Variants in ABCC12 observed in about 807,000 individuals in gnomAD.
ABCC12 encodes the protein ATP binding cassette subfamily C member 12, also known as ATP-binding cassette sub-family C member 12.
A neutral mutation model predicts 151.1 loss-of-function variants in ABCC12; 142 were observed. The ratio of observed to expected loss-of-function variants is 0.94; its 90% CI spans 0.82 to 1.08. ABCC12 has a LOEUF of 1.08. Ranked by LOEUF, ABCC12 falls within the 50% of genes least tolerant of loss-of-function variation. The pLI, the probability that ABCC12 is intolerant of heterozygous loss-of-function variation, is 0.00. For synonymous variants in ABCC12, 645 were observed against 646.4 expected, an observed-to-expected ratio of 1.00 and a Z score of 0.03; for missense variants, 1,638 against 1,691.1, an observed-to-expected ratio of 0.97 and a Z score of 0.55.
intron 20 of ABCC12, among the ~76,000 whole-genome samples, chr16:48,106,112 A>T (rs1963483969): frequency 1.3e-5 from 2 of 152,236 alleles, no homozygotes; most frequent in Non-Finnish European, 2.9e-5. Flanking sequence ...GCAAACAAGC[A>T]TCTTTCTTCT....
In ABCC12 at chr16:48,146,654, C is replaced by T. The variant is rs148505549; in HGVS notation, c.-50-180G>A. ...AGACCTGCTACGTCCCTTAATGCTA[C>T]GCTGAGGCTTTCTTATTAGTAGGAC... On this transcript the variant is annotated intron_variant, in intron 2 of 30. Coordinates refer to ENST00000311303, the MANE Select transcript of ABCC12 (RefSeq NM_001393797.1). The T allele has an allele frequency of 6.0e-4, 293 of 488,444 alleles. 1 individual carries two copies. In the East Asian group the frequency reaches 8.1e-3, roughly 13 times the overall value. 30.3% of individuals were successfully genotyped at this position (488,444 alleles called of 1,614,324 possible).
intron 4 of ABCC12, among the ~76,000 whole-genome samples, chr16:48,143,179 C>T (rs770115506): frequency 1.4e-4 from 21 of 152,184 alleles, no homozygotes; most frequent in Non-Finnish European, 2.9e-4. Flanking sequence ...CCTGATGCTG[C>T]ATGCTGGTCA....
chr16:48,112,083 C>T (rs774966721), intron 15 of ABCC12, among the ~76,000 whole-genome samples, 173 bp from the exon 16 acceptor site: 1 of 152,132 alleles, frequency 6.6e-6, no homozygotes, highest in Non-Finnish European at 1.5e-5. Context: ...CTCTACCCCA[C>T]TAGATGTCGG....
At chr16:48,132,936 G>T (rs1249472316) in intron 9 of ABCC12, among the ~76,000 whole-genome samples, 1 of 152,138 alleles carries the variant, frequency 6.6e-6, no homozygotes, top group Non-Finnish European at 1.5e-5. Context: ...CTACTAAGTA[G>T]CAGAGTCTGG....
intron 14 of ABCC12, among the ~76,000 whole-genome samples, chr16:48,116,433 G>C (rs561979591): frequency 6.6e-6 from 1 of 152,184 alleles, no homozygotes; most frequent in Non-Finnish European, 1.5e-5. Flanking sequence ...TTCAGGTGGT[G>C]GGACTTGGGA....
rs371843339 is a variant in ABCC12 at position 48,139,207 on chromosome 16, C to A, written c.787G>T (p.Ala263Ser). ...AYAFFILGPT[A>S]LIGISVYVIF... ...ACATACACTGATATCCCGATGAGAG[C>A]TGTGGGCCCCAGAATGAAAAAGGCG... The change falls in exon 7 of 31, where the codon GCT becomes TCT. Residue 263 changes from alanine to serine, a missense_variant. Transcript: ENST00000311303. The A allele has an allele frequency of 1.9e-6, 3 of 1,613,714 alleles. No individual in the cohort carries two copies. In the African/African-American group the frequency reaches 4.0e-5, roughly 22 times the overall value.
At chr16:48,120,952 G>C (rs975752970) in intron 13 of ABCC12, among the ~76,000 whole-genome samples, 1 of 152,072 alleles carries the variant, frequency 6.6e-6, no homozygotes, top group Non-Finnish European at 1.5e-5. Context: ...CGCAATTTTC[G>C]TGTTGAAAAC....
intron 11 of ABCC12, among the ~76,000 whole-genome samples, chr16:48,126,012 T>TC (rs34200649): frequency 6.6e-6 from 1 of 152,032 alleles, no homozygotes; most frequent in Non-Finnish European, 1.5e-5. Flanking sequence ...GCACCTGACT[T>TC]CCCCCATGCT....
At chr16:48,151,056 C>A (rs1965109810) in intron 2 of ABCC12, among the ~76,000 whole-genome samples, 1 of 152,092 alleles carries the variant, frequency 6.6e-6, no homozygotes, top group Non-Finnish European at 1.5e-5. Context: ...GAATCCAATG[C>A]TTCCAAGAGT....
In ABCC12 at chr16:48,144,162, T is replaced by C. The variant is rs968073825; in HGVS notation, c.120-97A>G. 333 of 1,416,960 alleles carry C rather than the reference T, an allele frequency of 2.4e-4. 2 individuals are homozygous for C. Among genetic ancestry groups the C allele is most frequent in the Non-Finnish European group, 2.9e-4 (308 of 1,049,274 alleles). 87.8% of individuals were successfully genotyped at this position (1,416,960 alleles called of 1,614,324 possible). ...TTGTAACTACAGCAACAACCACAGC[T>C]GCACTCAGAATCTGTGACTTGCATT... On this transcript the variant is annotated intron_variant, in intron 3 of 30. Transcript: ENST00000311303.
chr16:48,152,992 G>T (rs899306708), intron 2 of ABCC12, among the ~76,000 whole-genome samples: 1 of 152,290 alleles, frequency 6.6e-6, no homozygotes, highest in South Asian at 2.1e-4. Context: ...CAAGTCAAAG[G>T]TCAAACTGTG....
rs1221283708 is a variant in ABCC12 at position 48,128,692 on chromosome 16, C to A, written c.1282G>T (p.Glu428Ter). Reference protein sequence around the residue: ...KSPPSYITQPEDPDTVLLLAN... With the variant: ...KSPPSYITQP ...AAAAGCAAGACAGTATCTGGGTCTT[C>A]TGGTTGGGTGATGTAAGATGGGGGG... Residue 428 changes from glutamate to a stop codon, truncating the protein, a stop_gained, in exon 11 of 31, where the codon GAA (glutamate) becomes TAA (stop). Coordinates refer to ENST00000311303, the MANE Select transcript of ABCC12 (RefSeq NM_001393797.1). LOFTEE classifies it high-confidence loss of function. 1.2e-6 allele frequency: 2 copies of A among 1,614,144 alleles called. No individual in the cohort carries two copies. The highest frequency in any genetic ancestry group is 1.1e-5 in the South Asian group (1 of 91,084).
chr16:48,102,172 C>T (rs1033694421), intron 22 of ABCC12, among the ~76,000 whole-genome samples: 1 of 152,158 alleles, frequency 6.6e-6, no homozygotes, highest in Non-Finnish European at 1.5e-5. Flanking sequence ...CTCCCACAAC[C>T]AATCAGGCTG....
At chr16:48,112,086 G>C (rs182571172) in intron 15 of ABCC12, among the ~76,000 whole-genome samples, 176 bp from the exon 16 acceptor site, 1 of 152,202 alleles carries the variant, frequency 6.6e-6, no homozygotes, top group East Asian at 1.9e-4. Context: ...TACCCCACTA[G>C]ATGTCGGTAG....
At chr16:48,113,932 C>T (rs930129813) in intron 15 of ABCC12, among the ~76,000 whole-genome samples, 2 of 152,158 alleles carry the variant, frequency 1.3e-5, no homozygotes, top group Admixed American at 6.5e-5. Context: ...TGGAGGACAG[C>T]CCTCCCTGCT....
chr16:48,111,872 A>G lies in ABCC12; in HGVS notation c.2028T>C (p.Asp676=), dbSNP rs910725221. 5 of 1,613,928 alleles carry G rather than the reference A, an allele frequency of 3.1e-6. No individual in the cohort carries two copies. Among genetic ancestry groups the G allele is most frequent in the African/African-American group, 1.3e-5 (1 of 74,892 alleles). The change falls in exon 16 of 31, where the codon GAT becomes GAC. Residue 676 remains aspartate, a synonymous_variant. Coordinates refer to ENST00000311303, the MANE Select transcript of ABCC12 (RefSeq NM_001393797.1). ...ESCDEVILLE[D]GEICEKGTHK... is the part of the protein sequence containing the mutation. ...GGGTTCCCTTTTCACAAATCTCTCC[A>G]TCTTCTAATAAAATAACTTCATCAC... is the stretch of plus-strand genomic sequence containing the variant.
At chr16:48,117,476 C>T (rs1963924564) in intron 13 of ABCC12, 143 bp from the exon 14 acceptor site, 1 of 802,304 alleles carries the variant, frequency 1.2e-6, no homozygotes, top group South Asian at 1.7e-5. Flanking sequence ...TGGCCAGTCG[C>T]TCTGCCTTCA....
chr16:48,081,263 A>G lies in ABCC12; in HGVS notation c.*2452T>C, dbSNP rs1276313697. 6.6e-6 allele frequency among the ~76,000 whole-genome samples: 1 copy of G among 152,212 alleles called. No individual in the cohort carries two copies. Among genetic ancestry groups the G allele is most frequent in the Non-Finnish European group, 1.5e-5 (1 of 68,036 alleles). Reference sequence around the variant, plus strand: ...GCCTGTGCTTTGAGGAATTTGGCTAAATGGCTACTATTATTCTACATAGTC... The same window carrying G: ...GCCTGTGCTTTGAGGAATTTGGCTAGATGGCTACTATTATTCTACATAGTC... On this transcript the variant is annotated 3_prime_UTR_variant, in exon 31 of 31. Transcript: ENST00000311303.
intron 13 of ABCC12, among the ~76,000 whole-genome samples, chr16:48,119,797 T>G (rs1200083478): frequency 6.6e-6 from 1 of 152,222 alleles, no homozygotes; most frequent in African/African-American, 2.4e-5. Context: ...GGTTTCTGAG[T>G]GACCCAGCTG....
Sources: gnomAD v4.1 joint callset for allele counts (sites outside exome capture counted in the v4.1 genomes callset) on GRCh38, gnomAD v4.1.1 for gene constraint, MANE v1.5 for transcripts, NCBI Gene and HGNC (gene_info 2026-07-23, HGNC 2026-07-21) for gene names.